Variants in USO1 observed in about 807,000 individuals in gnomAD.
The protein encoded by USO1 is general vesicular transport factor p115.
USO1 carries 57 observed loss-of-function variants against 124.5 expected under a neutral mutation model. The observed-to-expected ratio is 0.46, with a 90% CI of 0.37 to 0.57. The LOEUF is 0.57. USO1 is among the 20% of genes least tolerant of loss of function. The probability of loss-of-function intolerance (pLI) is 0.00; values close to 1 mark genes in which losing one functional copy is unlikely to be tolerated. For missense variants in USO1, 900 were observed against 1,040.6 expected (o/e 0.86, Z 1.86); for synonymous variants, 369 against 362.8 (o/e 1.02, Z -0.19).
chr4:75,780,233 A>T (rs1033146578), intron 8 of USO1, among the ~76,000 whole-genome samples: 2 of 152,138 alleles, frequency 1.3e-5, no homozygotes, highest in African/African-American at 4.8e-5. Context: ...CTGATCACGC[A>T]AGAGCTCTGA....
chr4:75,793,765 G>A lies in USO1; in HGVS notation c.1316G>A (p.Cys439Tyr), dbSNP rs1722598854. Residue 439 changes from cysteine (C) to tyrosine (Y), a missense_variant, in exon 13 of 24, where the codon TGT becomes TAT. Coordinates refer to ENST00000514213, the MANE Select transcript of USO1 (RefSeq NM_003715.4). ...LFSTDSLSNWCAAVALAHALQ... is the reference protein window; with the variant it reads ...LFSTDSLSNWYAAVALAHALQ... ...TCTACTGATTCACTTTCAAACTGGT[G>A]TGCTGCTGTGGCCCTTGCCCATGCG... 1.2e-6 allele frequency: 2 copies of A among 1,613,866 alleles called. No individual in the cohort carries two copies. Among genetic ancestry groups the A allele is most frequent in the Admixed American group, 1.7e-5 (1 of 60,014 alleles).
At chr4:75,728,350 C>T (rs756632614) in intron 1 of USO1, among the ~76,000 whole-genome samples, 2 of 152,036 alleles carry the variant, frequency 1.3e-5, no homozygotes, top group Admixed American at 6.6e-5. Flanking sequence ...TTCTTCAGGC[C>T]GGGGGCTCAC....
rs1445971903 is a variant in USO1, at chr4:75,726,607, G to A, written c.66+1722G>A. 2.0e-5 allele frequency among the ~76,000 whole-genome samples: 3 copies of A among 150,936 alleles called. No homozygotes were observed. The East Asian group carries it at 5.8e-4, about 29-fold the overall frequency. On this transcript the variant is annotated intron_variant, in intron 1 of 23. Transcript: ENST00000514213. Reference sequence around the variant, plus strand: ...TAACTGCGCAGGTCTGGTTAGAATTGTTTAAAGCATAAGATGAAAGCCGGT... The same window carrying A: ...TAACTGCGCAGGTCTGGTTAGAATTATTTAAAGCATAAGATGAAAGCCGGT...
chr4:75,724,817 A>G lies in USO1; in HGVS notation c.-3A>G, dbSNP rs766743868. On this transcript the variant is annotated 5_prime_UTR_variant, in exon 1 of 24. Transcript: ENST00000514213. ...CCGGTAAACCTGGTGGCTGAACGGCAAGATGAATTTCCTCCGCGGGGTAAT... is the reference window on the plus strand; with the variant it reads ...CCGGTAAACCTGGTGGCTGAACGGCGAGATGAATTTCCTCCGCGGGGTAAT... 1.9e-6 allele frequency: 3 copies of G among 1,613,744 alleles called. No individual in the cohort carries two copies. The highest frequency in any genetic ancestry group is 2.5e-6 in the Non-Finnish European group (3 of 1,179,868).
intron 1 of USO1, among the ~76,000 whole-genome samples, chr4:75,726,541 C>T (rs1268395109): frequency 2.0e-5 from 3 of 149,534 alleles, no homozygotes; most frequent in Admixed American, 6.7e-5. Flanking sequence ...TGAGACTAGC[C>T]TGGGCAGCAT....
At chr4:75,738,389 G>A (rs113699767) in intron 1 of USO1, among the ~76,000 whole-genome samples, 4,422 of 151,920 alleles carry the variant, frequency 0.029, 197 homozygotes, top group African/African-American at 0.1. Context: ...CCTGGGAGGC[G>A]GAGGTTGCAG....
At chr4:75,770,784 A>G in intron 5 of USO1, 38 bp from the exon 6 acceptor site, 1 of 1,580,208 alleles carries the variant, frequency 6.3e-7, no homozygotes, top group East Asian at 2.2e-5. Flanking sequence ...GAAAATGTGA[A>G]TTACAGATGT....
intron 22 of USO1, among the ~76,000 whole-genome samples, chr4:75,811,737 A>G (rs1723156828): frequency 6.6e-6 from 1 of 152,130 alleles, no homozygotes; most frequent in South Asian, 2.1e-4. Context: ...ATTTGAAGCT[A>G]TTTTCATTTA....
At chr4:75,784,770 C>T (rs901319368) in intron 9 of USO1, among the ~76,000 whole-genome samples, 5 of 147,120 alleles carry the variant, frequency 3.4e-5, no homozygotes, top group African/African-American at 1.3e-4. Flanking sequence ...AGCCTGGGAA[C>T]AGAGTGAGAC....
intron 1 of USO1, among the ~76,000 whole-genome samples, chr4:75,749,833 A>G (rs541686450): frequency 1.0e-3 from 155 of 151,432 alleles, no homozygotes; most frequent in African/African-American, 3.6e-3. Context: ...GCTCACTGCA[A>G]GCTCCGCCTC....
intron 13 of USO1, 72 bp downstream of exon 13, chr4:75,793,973 A>G: frequency 6.3e-7 from 1 of 1,579,998 alleles, no homozygotes; most frequent in Non-Finnish European, 8.6e-7. Context: ...GGATGTCTTT[A>G]GAAGATGCAG....
At chr4:75,756,571 A>G (rs973416752) in intron 3 of USO1, among the ~76,000 whole-genome samples, 8 of 150,198 alleles carry the variant, frequency 5.3e-5, no homozygotes, top group African/African-American at 1.7e-4. Flanking sequence ...CAGTGGCACA[A>G]TCTCGGCTCA....
rs373013980 is a variant in USO1 at position 75,802,373 on chromosome 4, A to G, written c.1986+1173A>G. Among the ~76,000 whole-genome samples, 22 of 152,350 alleles carry G rather than the reference A, an allele frequency of 1.4e-4. No individual in the cohort carries two copies. The East Asian group carries it at 3.1e-3, about 21-fold the overall frequency. On this transcript the variant is annotated intron_variant, in intron 17 of 23. Transcript: ENST00000514213. ...AAAAAACAAATAGTTGTAATGTGATATAGAGTCTATACTTGGGGCTGCAAA... is the reference window on the plus strand; with the variant it reads ...AAAAAACAAATAGTTGTAATGTGATGTAGAGTCTATACTTGGGGCTGCAAA...
chr4:75,812,137 G>T, intron 22 of USO1, 23 bp from the exon 23 acceptor site: 1 of 1,574,782 alleles, frequency 6.4e-7, no homozygotes, highest in Non-Finnish European at 8.6e-7. Context: ...TTAGATTCCT[G>T]CCTTTCACCT....
At chr4:75,744,083 TTC>T (rs1207360478) in intron 1 of USO1, among the ~76,000 whole-genome samples, 1 of 152,032 alleles carries the variant, frequency 6.6e-6, no homozygotes, top group Non-Finnish European at 1.5e-5. Context: ...GCCCCTGTTT[TTC>T]TTTTTTTTAT....
chr4:75,756,713 C>T (rs1023088895), intron 3 of USO1, among the ~76,000 whole-genome samples: 1 of 151,834 alleles, frequency 6.6e-6, no homozygotes, highest in Admixed American at 6.6e-5. Context: ...TCCGTCTCTA[C>T]TTTTGGTCAG....
At chr4:75,753,232 A>T (rs1189901290) in intron 3 of USO1, among the ~76,000 whole-genome samples, 3 of 150,656 alleles carry the variant, frequency 2.0e-5, no homozygotes, top group Admixed American at 6.6e-5. Flanking sequence ...TAGCCTGGGC[A>T]ACATAAAAAA....
At position 75,801,129 on chromosome 4, in the gene USO1, G is replaced by C. The variant is rs769019746; in HGVS notation, c.1915G>C (p.Glu639Gln). 24 of 1,607,370 alleles carry C rather than the reference G, an allele frequency of 1.5e-5. No homozygotes were observed. In the East Asian group the frequency reaches 5.2e-4, roughly 35 times the overall value. Residue 639 changes from glutamate (E) to glutamine (Q), a missense_variant, in exon 17 of 24, where the codon GAA becomes CAA. Glu to Gln is a conservative substitution (Grantham distance 29). Around this residue, in one of 2 missense-constraint regions of USO1, gnomAD observed 362 missense variants for 359.0 expected, o/e 1.01. Coordinates refer to ENST00000514213, the MANE Select transcript of USO1 (RefSeq NM_003715.4). ...GTCCAGTGAAGAAGATAAAAAAGAA[G>C]AAGAGGTGAAAAAAACATTAGAACA... ...YKSSEEDKKEEEVKKTLEQHD... is the reference protein window; with the variant it reads ...YKSSEEDKKEQEVKKTLEQHD...
intron 22 of USO1, 37 bp downstream of exon 22, chr4:75,810,576 A>G (rs752220369): frequency 2.6e-6 from 4 of 1,557,188 alleles, no homozygotes; most frequent in East Asian, 2.3e-5. Context: ...ACTGCATATG[A>G]TATGAAATGA....
Sources: gnomAD v4.1 joint callset for allele counts (sites outside exome capture counted in the v4.1 genomes callset) on GRCh38, gnomAD v4.1.1 for gene constraint, gnomAD v4.1.1 regional missense constraint, MANE v1.5 for transcripts, NCBI Gene and HGNC (gene_info 2026-07-23, HGNC 2026-07-21) for gene names.